The following HSPG2 variants were observed in gnomAD, a reference collection of about 807,000 sequenced individuals.
The protein encoded by HSPG2 is basement membrane-specific heparan sulfate proteoglycan core protein.
A neutral mutation model predicts 526.6 loss-of-function variants in HSPG2; 278 were observed. The observed-to-expected ratio is 0.53, with a 90% CI of 0.48 to 0.58. The LOEUF (loss-of-function observed/expected upper bound fraction) is 0.58. HSPG2 is among the 20% of genes least tolerant of loss of function. The pLI is 0.00. For missense variants in HSPG2, 5,354 were observed against 6,099.5 expected (o/e 0.88, Z 4.07); for synonymous variants, 2,465 against 2,555.4 (o/e 0.96, Z 1.07).
chr1:21,852,702 G>A lies in HSPG2; in HGVS notation c.6722C>T (p.Pro2241Leu). 1 of 1,613,468 alleles carries A rather than the reference G, an allele frequency of 6.2e-7. No individual in the cohort carries two copies. The highest frequency in any genetic ancestry group is 1.3e-5 in the African/African-American group (1 of 75,060). The change falls in exon 52 of 97, where the codon CCT becomes CTT. Residue 2241 changes from proline (P) to leucine (L), a missense_variant and splice_region_variant. Physicochemically the swap from Pro to Leu is moderately conservative, Grantham distance 98 (BLOSUM62 -3). Coordinates refer to ENST00000374695, the MANE Select transcript of HSPG2 (RefSeq NM_005529.7). ...CCATGTCACTGGGAGTCACTCACCAGGGATGACAGAGGCTTCGATGGTGAC... is the reference window on the plus strand; with the variant it reads ...CCATGTCACTGGGAGTCACTCACCAAGGATGACAGAGGCTTCGATGGTGAC... ...VLVTIEASVI[P>L]GPIPPVRIES...
At chr1:21,889,358 G>GTACAAAGGCCAGGATT (rs1553173374) in intron 6 of HSPG2, among the ~76,000 whole-genome samples, 2 of 152,190 alleles carry the variant, frequency 1.3e-5, no homozygotes, top group Non-Finnish European at 2.9e-5. Flanking sequence ...CTGACCCAGA[G>GTACAAAGGCCAGGATT]TACAAAGGCC....
intron 3 of HSPG2, among the ~76,000 whole-genome samples, chr1:21,894,854 C>A (rs1355012577): frequency 6.6e-6 from 1 of 152,194 alleles, no homozygotes; most frequent in Non-Finnish European, 1.5e-5. Flanking sequence ...CCAAGCCCCA[C>A]CCAGCTCCCA....
chr1:21,846,726 AT>A, intron 62 of HSPG2, 127 bp from the exon 63 acceptor site: 13 of 1,044,520 alleles, frequency 1.2e-5, no homozygotes, highest in Non-Finnish European at 1.7e-5. Context: ...TTGGCCGGGC[AT>A]GGTGGCTCAT....
At chr1:21,901,389 G>A (rs971618263) in intron 1 of HSPG2, among the ~76,000 whole-genome samples, 1 of 152,132 alleles carries the variant, frequency 6.6e-6, no homozygotes, top group African/African-American at 2.4e-5. Context: ...GAGGGGTGAT[G>A]CATGCGGAGT....
chr1:21,889,345 G>T (rs888224016), intron 6 of HSPG2, among the ~76,000 whole-genome samples: 1 of 152,146 alleles, frequency 6.6e-6, no homozygotes, highest in Admixed American at 6.5e-5. Context: ...AAGGAAATCT[G>T]GGCTGACCCA....
At chr1:21,830,815 C>T (rs900301713) in intron 85 of HSPG2, 167 bp downstream of exon 85, 12 of 622,470 alleles carry the variant, frequency 1.9e-5, no homozygotes, top group South Asian at 3.6e-5. Context: ...TGAGGGCCTT[C>T]GGGTAGCAGA....
intron 2 of HSPG2, 36 bp downstream of exon 2, chr1:21,896,139 C>A (rs573451060): frequency 2.5e-5 from 41 of 1,613,546 alleles, no homozygotes; most frequent in Admixed American, 3.3e-5. Context: ...TCTCACCCCC[C>A]ACCCCTCTGC....
At chr1:21,907,224 G>A (rs1476456713) in intron 1 of HSPG2, among the ~76,000 whole-genome samples, 2 of 152,220 alleles carry the variant, frequency 1.3e-5, no homozygotes, top group African/African-American at 4.8e-5. Flanking sequence ...GAGAGAAAGA[G>A]AGCTTCGTTC....
chr1:21,851,277 C>T (rs187087967), intron 55 of HSPG2: 13 of 534,036 alleles, frequency 2.4e-5, no homozygotes, highest in South Asian at 1.8e-4. Flanking sequence ...CCGGCTGGTA[C>T]GTACCATTGT....
chr1:21,865,939 C>G lies in HSPG2; in HGVS notation c.4222-130G>C, dbSNP rs1640198509. The G allele has an allele frequency of 2.8e-6, 2 of 717,004 alleles. No homozygotes were observed. The highest frequency in any genetic ancestry group is 5.0e-6 in the Non-Finnish European group (2 of 401,384). 44.4% of individuals were successfully genotyped at this position (717,004 alleles called of 1,614,324 possible). Reference sequence around the variant, plus strand: ...ACACTCCCCCACCCCCCTCCCTGCCCAAACCAAGAGGCCAGGGTGCATGGT... The same window carrying G: ...ACACTCCCCCACCCCCCTCCCTGCCGAAACCAAGAGGCCAGGGTGCATGGT... On this transcript the variant is annotated intron_variant, in intron 33 of 96. Transcript: ENST00000374695. This position sits in a 1 kb window ranked among gnomAD's most constrained non-coding sequence, Gnocchi z 5.4.
intron 50 of HSPG2, among the ~76,000 whole-genome samples, 181 bp downstream of exon 50, chr1:21,854,012 A>T (rs1043662864): frequency 1.3e-5 from 2 of 152,152 alleles, no homozygotes; most frequent in South Asian, 2.1e-4. Context: ...AGCCCAGGTA[A>T]GCTGGACCAG....
rs115458021 is a variant in HSPG2, at chr1:21,872,523, G to A, written c.4029+97C>T. 9 of 1,469,312 alleles carry A rather than the reference G, an allele frequency of 6.1e-6. No individual in the cohort carries two copies. The South Asian group carries it at 1.1e-4, about 18-fold the overall frequency. The allele number at this position is 1,469,312 out of a possible 1,614,324, so 91.0% of individuals were successfully genotyped here. A position where few individuals can be genotyped will look rare whatever the true frequency, so the allele number is the denominator to read the frequency against. ...AATAATGGGGGCATGTGAGGGTACT[G>A]AGGCGGGGATGAGGGTCGCTGGGCT... On this transcript the variant is annotated intron_variant, in intron 32 of 96. Coordinates refer to ENST00000374695, the MANE Select transcript of HSPG2 (RefSeq NM_005529.7). The surrounding 1 kb of genome is among the most constrained non-coding windows in gnomAD (Gnocchi z 5.5).
intron 1 of HSPG2, among the ~76,000 whole-genome samples, chr1:21,934,030 T>C (rs1032001441): frequency 1.3e-5 from 2 of 151,882 alleles, no homozygotes; most frequent in African/African-American, 4.8e-5. Context: ...GCCTGTCCCC[T>C]GCAGGGCCGC....
At chr1:21,914,347 G>C (rs574313679) in intron 1 of HSPG2, among the ~76,000 whole-genome samples, 45 of 152,198 alleles carry the variant, frequency 3.0e-4, no homozygotes, top group African/African-American at 1.1e-3. Context: ...TAGAGGAAGA[G>C]CACCCAGGCA....
At position 21,895,907 on chromosome 1, in the gene HSPG2, C is replaced by T. The variant is rs1435646835; in HGVS notation, c.244+15G>A. ...GGACAGGAGGGAGACCTGCAGGAGG[C>T]CTGCAGCAACTTACCCATCTGGAAG... On this transcript the variant is annotated intron_variant, in intron 3 of 96. Coordinates refer to ENST00000374695, the MANE Select transcript of HSPG2 (RefSeq NM_005529.7). The surrounding 1 kb of genome is among the most constrained non-coding windows in gnomAD (Gnocchi z 4.1). 1 of 1,613,446 alleles carries T rather than the reference C, an allele frequency of 6.2e-7. No homozygotes were observed. The highest frequency in any genetic ancestry group is 1.7e-5 in the Admixed American group (1 of 60,004).
intron 1 of HSPG2, among the ~76,000 whole-genome samples, chr1:21,913,423 C>T (rs750600601): frequency 4.6e-5 from 7 of 152,196 alleles, no homozygotes; most frequent in African/African-American, 7.2e-5. Flanking sequence ...CTCGGGTTAC[C>T]GGAAATGGTA....
At chr1:21,929,198 C>T (rs953313714) in intron 1 of HSPG2, among the ~76,000 whole-genome samples, 4 of 152,190 alleles carry the variant, frequency 2.6e-5, no homozygotes, top group Non-Finnish European at 4.4e-5. Flanking sequence ...CCATGAGCTC[C>T]GGCTGTGGAG....
chr1:21,829,072 G>A lies in HSPG2; in HGVS notation c.12000C>T (p.Ala4000=), dbSNP rs1398423749. The part of the protein sequence containing the change: ...EFRYELGSGL[A]VLRSAEPLAL... ...CCAGCGGCTCGGCGCTCCGCAGAAC[G>A]GCCAGCCCTGGGGAGGATGCCAGGC... is the stretch of plus-strand genomic sequence containing the variant. Residue 4000 remains alanine (A), a synonymous_variant, in exon 88 of 97, where the codon GCC becomes GCT. Coordinates refer to ENST00000374695, the MANE Select transcript of HSPG2 (RefSeq NM_005529.7). The A allele has an allele frequency of 6.5e-6, 10 of 1,539,514 alleles. No homozygotes were observed. The highest frequency in any genetic ancestry group is 4.1e-5 in the African/African-American group (3 of 72,962).
chr1:21,871,525 G>A (rs1042242553), intron 33 of HSPG2, among the ~76,000 whole-genome samples: 1 of 152,150 alleles, frequency 6.6e-6, no homozygotes, highest in Non-Finnish European at 1.5e-5. Flanking sequence ...GCCTTCCAAA[G>A]TGCTGGAATT....
Sources: gnomAD v4.1 joint callset for allele counts (sites outside exome capture counted in the v4.1 genomes callset) on GRCh38, gnomAD v4.1.1 for gene constraint, Gnocchi (gnomAD v3.1) non-coding constraint, MANE v1.5 for transcripts, NCBI Gene and HGNC (gene_info 2026-07-23, HGNC 2026-07-21) for gene names.